RIMS2: variants seen among roughly 807,000 people sequenced by gnomAD.
RIMS2 encodes regulating synaptic membrane exocytosis protein 2.
In RIMS2, 59 loss-of-function variants were observed where a neutral mutation model predicts 174.4. That is an observed-to-expected ratio of 0.34 (90% CI 0.27 to 0.42). The LOEUF is 0.42. Ranked by LOEUF, RIMS2 falls within the 10% of genes least tolerant of loss-of-function variation. The probability of loss-of-function intolerance (pLI) is 1.00; values close to 1 mark genes in which losing one functional copy is unlikely to be tolerated. For missense variants in RIMS2, 1,620 were observed against 1,666.3 expected, an observed-to-expected ratio of 0.97 and a Z score of 0.48; for synonymous variants, 606 against 572.5, an observed-to-expected ratio of 1.06 and a Z score of -0.84.
chr8:104,086,272 T>TG (rs200495852), intron 19 of RIMS2, among the ~76,000 whole-genome samples: 33,527 of 146,994 alleles, frequency 0.23, 4,072 homozygotes, highest in African/African-American at 0.32. Flanking sequence ...GTGGGTTTTT[T>TG]TTTTTTTTTT....
In RIMS2 at chr8:103,673,131, G is replaced by A. The variant is rs368783374; in HGVS notation, c.177-23955G>A. 1.9e-4 allele frequency among the ~76,000 whole-genome samples: 29 copies of A among 152,284 alleles called. 1 individual carries two copies. In the East Asian group the frequency reaches 4.8e-3, roughly 25 times the overall value. ...GCAGGACACACTGGTGCATGAGGTG[G>A]GCTCCTATGGCCTTGGGCAGCTCCA... On this transcript the variant is annotated intron_variant, in intron 1 of 23. Coordinates refer to ENST00000504942, the Ensembl canonical transcript of RIMS2.
At chr8:104,082,461 T>A (rs2097440827) in intron 19 of RIMS2, among the ~76,000 whole-genome samples, 1 of 152,158 alleles carries the variant, frequency 6.6e-6, no homozygotes, top group African/African-American at 2.4e-5. Context: ...ATGTAACACA[T>A]GAAGTGAAGG....
chr8:103,762,999 G>A (rs2098128381), intron 2 of RIMS2, among the ~76,000 whole-genome samples: 1 of 152,152 alleles, frequency 6.6e-6, no homozygotes, highest in Non-Finnish European at 1.5e-5. Flanking sequence ...TTTGTTGACT[G>A]AACTATTGTT....
intron 10 of RIMS2, among the ~76,000 whole-genome samples, chr8:103,924,749 G>T (rs973258213): frequency 2.6e-5 from 4 of 151,546 alleles, no homozygotes; most frequent in Non-Finnish European, 5.9e-5. Context: ...CTCAAAGGAG[G>T]TGATTATAAA....
At chr8:104,114,738 A>G (rs982900968) in intron 19 of RIMS2, among the ~76,000 whole-genome samples, 1 of 151,942 alleles carries the variant, frequency 6.6e-6, no homozygotes, top group Non-Finnish European at 1.5e-5. Flanking sequence ...TCATGTCTTA[A>G]TTATTAGCAT....
chr8:104,015,502 G>A, intron 19 of RIMS2: 1 of 639,024 alleles, frequency 1.6e-6, no homozygotes, highest in Admixed American at 2.5e-5. Context: ...AGCCTTTTTG[G>A]GGGGCTAGTA....
rs540487444 is a variant in RIMS2, at chr8:103,674,000, A to T, written c.177-23086A>T. Among the ~76,000 whole-genome samples, 4 of 152,324 alleles carry T rather than the reference A, an allele frequency of 2.6e-5. No homozygotes were observed. The South Asian group carries it at 8.3e-4, about 32-fold the overall frequency. ...GCTGCTTAGAAATTTCTTCCTTCAGATACCCTAGGTCATCACTCTGAAGTT... is the reference window on the plus strand; with the variant it reads ...GCTGCTTAGAAATTTCTTCCTTCAGTTACCCTAGGTCATCACTCTGAAGTT... On this transcript the variant is annotated intron_variant, in intron 1 of 23. Coordinates refer to ENST00000504942, the Ensembl canonical transcript of RIMS2.
At chr8:103,857,211 T>C (rs780410437) in intron 3 of RIMS2, among the ~76,000 whole-genome samples, 2 of 152,206 alleles carry the variant, frequency 1.3e-5, no homozygotes, top group African/African-American at 4.8e-5. Flanking sequence ...TATACAAATC[T>C]AGATTTACAA....
At chr8:104,210,531 T>C (rs1019114335) in intron 19 of RIMS2, among the ~76,000 whole-genome samples, 2 of 152,194 alleles carry the variant, frequency 1.3e-5, no homozygotes, top group African/African-American at 4.8e-5. Context: ...GAAAAAGGTA[T>C]TTATGCAAAG....
chr8:104,251,115 C>T (rs767256213), exon 23 of RIMS2: 1 of 1,613,464 alleles, frequency 6.2e-7, no homozygotes, highest in Non-Finnish European at 8.5e-7. Flanking sequence ...AACCCCTTTA[C>T]CAGCAGCTAT....
chr8:103,935,100 C>T (rs2080949815), intron 12 of RIMS2, among the ~76,000 whole-genome samples: 1 of 152,136 alleles, frequency 6.6e-6, no homozygotes, highest in Non-Finnish European at 1.5e-5. Flanking sequence ...AGAATTCATT[C>T]TTCGTCAATG....
At chr8:104,059,453 C>G (rs1217463794) in intron 19 of RIMS2, among the ~76,000 whole-genome samples, 1 of 151,296 alleles carries the variant, frequency 6.6e-6, no homozygotes, top group East Asian at 1.9e-4. Context: ...TGCTTACCAG[C>G]TTAAGGAGAT....
chr8:103,527,874 A>C (rs994280543), intron 1 of RIMS2, among the ~76,000 whole-genome samples: 15 of 152,206 alleles, frequency 9.9e-5, no homozygotes, highest in African/African-American at 2.9e-4. Flanking sequence ...TCTTTATAGC[A>C]GCATGATTTA....
chr8:103,759,720 G>A (rs1014457324), intron 2 of RIMS2, among the ~76,000 whole-genome samples: 8 of 152,134 alleles, frequency 5.3e-5, no homozygotes, highest in African/African-American at 1.9e-4. Context: ...AGATGACTTT[G>A]CAGAAGAAGC....
At chr8:104,199,188 A>C (rs925044936) in intron 19 of RIMS2, among the ~76,000 whole-genome samples, 2 of 152,018 alleles carry the variant, frequency 1.3e-5, no homozygotes, top group South Asian at 4.2e-4. Context: ...CAGCCTCCCG[A>C]GTAGCTGGGA....
chr8:103,625,052 T>G (rs1221369632), intron 1 of RIMS2, among the ~76,000 whole-genome samples: 5 of 152,202 alleles, frequency 3.3e-5, no homozygotes, highest in Non-Finnish European at 2.9e-5. Flanking sequence ...TAAGTTTTGT[T>G]TCTTACTTCA....
At chr8:103,786,071 G>A (rs1292638715) in intron 3 of RIMS2, among the ~76,000 whole-genome samples, 6 of 152,190 alleles carry the variant, frequency 3.9e-5, no homozygotes, top group African/African-American at 1.4e-4. Flanking sequence ...GTTGTTTGTA[G>A]TATTCTCTGA....
rs184328209 is a variant in RIMS2 at position 103,771,432 on chromosome 8, T to C, written c.698+4895T>C. Among the ~76,000 whole-genome samples, 888 of 152,310 alleles carry C rather than the reference T, an allele frequency of 5.8e-3. 3 individuals carry two copies. Among genetic ancestry groups the C allele is most frequent in the Non-Finnish European group, 0.01 (703 of 68,000 alleles). On this transcript the variant is annotated intron_variant, in intron 3 of 23. Transcript: ENST00000504942. ...TTCATAGTTGCAAATTAGTGAAATG[T>C]AGGAAAGTTTATTTGCAAAATTTTA...
chr8:103,903,447 T>A (rs1216395646), intron 4 of RIMS2, among the ~76,000 whole-genome samples: 1 of 147,814 alleles, frequency 6.8e-6, no homozygotes, highest in African/African-American at 2.4e-5. Flanking sequence ...AAATAGTTAA[T>A]GAACTATTGT....
Sources: gnomAD v4.1 joint callset for allele counts (sites outside exome capture counted in the v4.1 genomes callset) on GRCh38, gnomAD v4.1.1 for gene constraint, MANE v1.5 for transcripts, NCBI Gene and HGNC (gene_info 2026-07-23, HGNC 2026-07-21) for gene names.